Variants in GPATCH2 observed in about 807,000 individuals in gnomAD.
GPATCH2 encodes G patch domain-containing protein 2.
In GPATCH2, 51 loss-of-function variants were observed where a neutral mutation model predicts 58.0. That is an observed-to-expected ratio of 0.88 (90% CI 0.70 to 1.11). The LOEUF (loss-of-function observed/expected upper bound fraction) is 1.11. Ranked by LOEUF, GPATCH2 falls within the 50% of genes most tolerant of loss-of-function variation. The pLI is 0.00. For missense variants in GPATCH2, 625 were observed against 652.2 expected (o/e 0.96, Z 0.45); for synonymous variants, 222 against 218.5 (o/e 1.02, Z -0.14).
At chr1:217,433,255 T>C (rs980309701) in intron 9 of GPATCH2, among the ~76,000 whole-genome samples, 2 of 151,852 alleles carry the variant, frequency 1.3e-5, no homozygotes, top group Admixed American at 1.3e-4. Context: ...TCAATAAGAA[T>C]AACAAAAATA....
chr1:217,428,626 A>G lies in GPATCH2; in HGVS notation c.*2519T>C, dbSNP rs1658408077. The G allele has an allele frequency of 1.3e-5, 2 of 152,210 alleles. No homozygotes were observed. Among genetic ancestry groups the G allele is most frequent in the Non-Finnish European group, 2.9e-5 (2 of 68,030 alleles). 9.4% of individuals were successfully genotyped at this position (152,210 alleles called of 1,614,324 possible). ...CTCTGCTTTGAGTGCTGATTCACAT[A>G]TACTGTAGAGTACATATATTCTGTA... is the stretch of plus-strand genomic sequence containing the variant. On this transcript the variant is annotated 3_prime_UTR_variant, in exon 10 of 10. Transcript: ENST00000366935.
intron 5 of GPATCH2, among the ~76,000 whole-genome samples, chr1:217,530,362 T>C (rs140641851): frequency 6.7e-4 from 102 of 152,378 alleles, no homozygotes; most frequent in African/African-American, 2.4e-3. Flanking sequence ...ACCTATTTCA[T>C]TGCTTTATTA....
chr1:217,494,010 G>A (rs1238396763), intron 7 of GPATCH2, among the ~76,000 whole-genome samples: 2 of 152,024 alleles, frequency 1.3e-5, no homozygotes, highest in African/African-American at 2.4e-5. Context: ...CAATTATAAG[G>A]ACCAAAATAA....
chr1:217,582,899 A>G (rs1667141112), intron 5 of GPATCH2, among the ~76,000 whole-genome samples: 1 of 152,206 alleles, frequency 6.6e-6, no homozygotes, highest in Non-Finnish European at 1.5e-5. Flanking sequence ...TTTACACTAC[A>G]ACAGAAATAT....
rs1448086920 is a variant in GPATCH2 at position 217,461,947 on chromosome 1, C to A, written c.1278-12610G>T. Among the ~76,000 whole-genome samples the A allele has an allele frequency of 2.0e-5, 3 of 152,060 alleles. No individual in the cohort carries two copies. The East Asian group carries it at 5.8e-4, about 29-fold the overall frequency. On this transcript the variant is annotated intron_variant, in intron 8 of 9. Coordinates refer to ENST00000366935, the MANE Select transcript of GPATCH2 (RefSeq NM_018040.5). ...TAGACTATAAAACATACTGTAATAGCTAGGTGAGGTATCACGAGGCTTGTG... is the reference window on the plus strand; with the variant it reads ...TAGACTATAAAACATACTGTAATAGATAGGTGAGGTATCACGAGGCTTGTG...
At chr1:217,494,399 GA>G (rs1661903495) in intron 7 of GPATCH2, among the ~76,000 whole-genome samples, 1 of 152,102 alleles carries the variant, frequency 6.6e-6, no homozygotes, top group Non-Finnish European at 1.5e-5. Flanking sequence ...GGGCAAAGAT[GA>G]AAAAATTAAT....
chr1:217,617,626 G>T (rs1374115996), intron 2 of GPATCH2, among the ~76,000 whole-genome samples: 2 of 152,194 alleles, frequency 1.3e-5, no homozygotes, highest in Admixed American at 6.5e-5. Flanking sequence ...AGCTTTGGAA[G>T]TAGTCTTGAA....
chr1:217,475,102 A>G (rs1311905991), intron 8 of GPATCH2, among the ~76,000 whole-genome samples: 2 of 152,138 alleles, frequency 1.3e-5, no homozygotes, highest in Non-Finnish European at 2.9e-5. Flanking sequence ...AAAAATATGC[A>G]CTCACAAACC....
chr1:217,482,818 C>T (rs536741956), intron 8 of GPATCH2, among the ~76,000 whole-genome samples: 34 of 152,162 alleles, frequency 2.2e-4, no homozygotes, highest in Admixed American at 4.6e-4. Flanking sequence ...TTCATACACA[C>T]GTGAAACCAT....
intron 5 of GPATCH2, among the ~76,000 whole-genome samples, chr1:217,542,682 C>T (rs1280238208): frequency 3.9e-5 from 6 of 152,280 alleles, no homozygotes; most frequent in African/African-American, 9.6e-5. Context: ...CATCTATTTC[C>T]TTTTAAAAAT....
chr1:217,461,358 C>T (rs1263820765), intron 8 of GPATCH2, among the ~76,000 whole-genome samples: 1 of 152,146 alleles, frequency 6.6e-6, no homozygotes, highest in Non-Finnish European at 1.5e-5. Flanking sequence ...CAGAAATAAT[C>T]TCTTACTCAT....
intron 5 of GPATCH2, among the ~76,000 whole-genome samples, chr1:217,559,287 A>T (rs1665803389): frequency 6.6e-6 from 1 of 152,004 alleles, no homozygotes; most frequent in African/African-American, 2.4e-5. Flanking sequence ...TATGCCATGG[A>T]TCACGACTCA....
intron 5 of GPATCH2, among the ~76,000 whole-genome samples, chr1:217,538,857 C>T (rs1281705743): frequency 2.0e-5 from 3 of 152,184 alleles, no homozygotes; most frequent in Non-Finnish European, 4.4e-5. Context: ...GTTATGAATG[C>T]TATACTGTCA....
chr1:217,551,646 TCTCA>T (rs1333977507), intron 5 of GPATCH2, among the ~76,000 whole-genome samples: 1 of 152,166 alleles, frequency 6.6e-6, no homozygotes, highest in Non-Finnish European at 1.5e-5. Context: ...CGAACACAGA[TCTCA>T]CTCACTGTTG....
At chr1:217,571,721 C>CAAAAAAAAAAAAAAAAAA (rs1558494034) in intron 5 of GPATCH2, among the ~76,000 whole-genome samples, 1 of 114,712 alleles carries the variant, frequency 8.7e-6, no homozygotes, top group Non-Finnish European at 1.8e-5. Flanking sequence ...AAAAAAAAAA[C>CAAAAAAAAAAAAAAAAAA]AAAAAAGAAG....
chr1:217,571,493 C>A (rs994439172), intron 5 of GPATCH2, among the ~76,000 whole-genome samples: 3 of 146,984 alleles, frequency 2.0e-5, no homozygotes, highest in Non-Finnish European at 4.5e-5. Context: ...TACTTCTGGG[C>A]GCCACATTTG....
At chr1:217,482,323 T>A (rs1661249962) in intron 8 of GPATCH2, among the ~76,000 whole-genome samples, 1 of 151,574 alleles carries the variant, frequency 6.6e-6, no homozygotes, top group Non-Finnish European at 1.5e-5. Context: ...AGAGGAAAAA[T>A]AGAGACAATA....
intron 5 of GPATCH2, among the ~76,000 whole-genome samples, chr1:217,516,457 C>A (rs895412066): frequency 6.6e-6 from 1 of 152,106 alleles, no homozygotes; most frequent in African/African-American, 2.4e-5. Context: ...ATGGTTTGAG[C>A]GCCACAGGTA....
chr1:217,553,669 C>T (rs1665469036), intron 5 of GPATCH2, among the ~76,000 whole-genome samples: 2 of 152,198 alleles, frequency 1.3e-5, no homozygotes, highest in Admixed American at 1.3e-4. Context: ...TATAAAGGAA[C>T]AATAAATGCA....
Sources: gnomAD v4.1 joint callset for allele counts (sites outside exome capture counted in the v4.1 genomes callset) on GRCh38, gnomAD v4.1.1 for gene constraint, MANE v1.5 for transcripts, NCBI Gene and HGNC (gene_info 2026-07-23, HGNC 2026-07-21) for gene names.